DISC1: variants seen among roughly 807,000 people sequenced by gnomAD.
DISC1 encodes the protein DISC1 scaffold protein.
In DISC1, 57 loss-of-function variants were observed where a neutral mutation model predicts 84.5. That is an observed-to-expected ratio of 0.67 (90% CI 0.55 to 0.84). The LOEUF is 0.84. Ranked by LOEUF, DISC1 falls within the 40% of genes least tolerant of loss-of-function variation. The pLI, the probability that DISC1 is intolerant of heterozygous loss-of-function variation, is 0.00. For missense variants in DISC1, 1,000 were observed against 1,057.8 expected (o/e 0.95, Z 0.76); for synonymous variants, 411 against 415.2 (o/e 0.99, Z 0.12).
chr1:231,804,351 C>G (rs1030500830), intron 8 of DISC1, among the ~76,000 whole-genome samples: 1 of 152,054 alleles, frequency 6.6e-6, no homozygotes, highest in African/African-American at 2.4e-5. Context: ...AGGAAATGGC[C>G]TGTTCCATTT....
intron 3 of DISC1, chr1:231,724,012 C>A: frequency 2.0e-6 from 2 of 985,404 alleles, no homozygotes; most frequent in Non-Finnish European, 2.4e-6. Context: ...AAATGCAGCC[C>A]ACTCTGATAT....
intron 3 of DISC1, chr1:231,720,699 T>G (rs1306891469): frequency 3.8e-6 from 2 of 531,474 alleles, no homozygotes; most frequent in Non-Finnish European, 6.1e-6. Flanking sequence ...ACTTTTAGTT[T>G]TCTACCACTG....
At chr1:231,945,219 A>C (rs188678845) in intron 9 of DISC1, 1 of 152,218 alleles carries the variant, frequency 6.6e-6, no homozygotes, top group Non-Finnish European at 1.5e-5. Flanking sequence ...GAAGTTAAAC[A>C]CTCCTCAGCA....
At chr1:231,911,103 C>A (rs1270258766) in intron 9 of DISC1, among the ~76,000 whole-genome samples, 1 of 152,170 alleles carries the variant, frequency 6.6e-6, no homozygotes, top group Non-Finnish European at 1.5e-5. Context: ...GAATATAGCA[C>A]ACTGATGGGT....
At chr1:231,816,104 G>A (rs192895113) in intron 8 of DISC1, among the ~76,000 whole-genome samples, 1 of 152,334 alleles carries the variant, frequency 6.6e-6, no homozygotes, top group Admixed American at 6.5e-5. Context: ...CCATACCCTT[G>A]TGAATGTTGA....
chr1:231,799,269 C>T (rs2078998670), intron 7 of DISC1, among the ~76,000 whole-genome samples: 1 of 152,076 alleles, frequency 6.6e-6, no homozygotes, highest in Non-Finnish European at 1.5e-5. Flanking sequence ...TCTGACTTGC[C>T]AGCAAGTATC....
intron 9 of DISC1, among the ~76,000 whole-genome samples, chr1:231,879,072 G>A (rs1391076024): frequency 6.6e-6 from 1 of 151,892 alleles, no homozygotes; most frequent in African/African-American, 2.4e-5. Flanking sequence ...GAAATGCTTG[G>A]GATCAGGAGT....
At chr1:231,887,624 A>G (rs2086865612) in intron 9 of DISC1, among the ~76,000 whole-genome samples, 1 of 152,350 alleles carries the variant, frequency 6.6e-6, no homozygotes, top group Non-Finnish European at 1.5e-5. Context: ...CGACCTGGAC[A>G]TTAGTCCAGT....
At chr1:231,973,564 G>A (rs902154988) in intron 10 of DISC1, among the ~76,000 whole-genome samples, 11 of 152,148 alleles carry the variant, frequency 7.2e-5, no homozygotes, top group Non-Finnish European at 5.9e-5. Context: ...AAGCATCTTC[G>A]ACAATGCGGT....
At chr1:231,746,949 G>A (rs749848261) in intron 3 of DISC1, among the ~76,000 whole-genome samples, 38 of 151,984 alleles carry the variant, frequency 2.5e-4, no homozygotes, top group Admixed American at 7.9e-4. Context: ...ATTTTTTTGA[G>A]AAAGGGTCTC....
At position 231,697,752 on chromosome 1, in the gene DISC1, A is replaced by G. The variant is rs138305669; in HGVS notation, c.1047+2947A>G. 2.1e-4 allele frequency among the ~76,000 whole-genome samples: 32 copies of G among 151,886 alleles called. 1 individual carries two copies. In the East Asian group the frequency reaches 6.2e-3, roughly 29 times the overall value. On this transcript the variant is annotated intron_variant, in intron 2 of 12. Transcript: ENST00000439617. ...GCATGAGCCACCATGCCTGGTGGTA[A>G]TTTTGAACCTGCACAGAGTGGCAAA...
intron 1 of DISC1, among the ~76,000 whole-genome samples, chr1:231,633,884 CTTTT>C (rs547057206): frequency 7.4e-6 from 1 of 135,434 alleles, no homozygotes; most frequent in Admixed American, 7.7e-5. Flanking sequence ...TACCTGTCAT[CTTTT>C]TTTTTTTTTT....
At chr1:231,641,399 G>A (rs1272553935) in intron 1 of DISC1, among the ~76,000 whole-genome samples, 1 of 152,058 alleles carries the variant, frequency 6.6e-6, no homozygotes, top group African/African-American at 2.4e-5. Flanking sequence ...AAGGCGGCGC[G>A]TCTGGAGTCG....
intron 10 of DISC1, among the ~76,000 whole-genome samples, chr1:231,995,524 T>C (rs995448202): frequency 6.6e-5 from 10 of 152,026 alleles, no homozygotes; most frequent in Admixed American, 1.3e-4. Flanking sequence ...CAGAGTGTGA[T>C]GTTCCCCTTC....
chr1:231,675,330 C>G lies in DISC1; in HGVS notation c.68-18496C>G, dbSNP rs948207163. ...TGGGGTCTCTCTCCCTGCCTCTTCC[C>G]CAGCCCTACCCTATTGCACATTTTA... On this transcript the variant is annotated intron_variant, in intron 1 of 12. Transcript: ENST00000439617. The surrounding 1 kb of genome is among the most constrained non-coding windows in gnomAD (Gnocchi z 4.1). Among the ~76,000 whole-genome samples the G allele has an allele frequency of 3.3e-5, 5 of 152,016 alleles. No individual in the cohort carries two copies. The highest frequency in any genetic ancestry group is 1.2e-4 in the African/African-American group (5 of 41,380).
At chr1:231,937,315 G>A (rs971774110) in intron 9 of DISC1, among the ~76,000 whole-genome samples, 1 of 152,170 alleles carries the variant, frequency 6.6e-6, no homozygotes, top group African/African-American at 2.4e-5. Flanking sequence ...CCGGTGTCAA[G>A]CCTAATGCTT....
chr1:231,689,119 G>T (rs1416411909), intron 1 of DISC1, among the ~76,000 whole-genome samples: 1 of 152,012 alleles, frequency 6.6e-6, no homozygotes, highest in African/African-American at 2.4e-5. Context: ...ATGACAGATG[G>T]GATTAAAATT....
intron 9 of DISC1, among the ~76,000 whole-genome samples, chr1:231,831,856 G>T (rs571980278): frequency 7.2e-5 from 11 of 151,970 alleles, no homozygotes; most frequent in East Asian, 1.9e-4. Flanking sequence ...TAGTGGGGGG[G>T]GGTGGGCAGA....
rs1458490834 is a variant in DISC1, at chr1:232,040,365, C to A, written c.*3534C>A. On this transcript the variant is annotated 3_prime_UTR_variant, in exon 13 of 13. Coordinates refer to ENST00000439617, the MANE Select transcript of DISC1 (RefSeq NM_018662.3). Reference sequence around the variant, plus strand: ...ATATACTATTGGAAACTTGTCTTTCCCTGCAGTAAGGCTGGTTTCCCCACC... The same window carrying A: ...ATATACTATTGGAAACTTGTCTTTCACTGCAGTAAGGCTGGTTTCCCCACC... 6.6e-6 allele frequency: 1 copy of A among 152,154 alleles called. No homozygotes were observed. Among genetic ancestry groups the A allele is most frequent in the Non-Finnish European group, 1.5e-5 (1 of 68,054 alleles). The allele number at this position is 152,154 out of a possible 1,614,324, so 9.4% of individuals were successfully genotyped here.
Sources: allele counts gnomAD v4.1 joint callset (sites outside exome capture counted in the v4.1 genomes callset), GRCh38; gene constraint gnomAD v4.1.1; non-coding constraint Gnocchi (gnomAD v3.1); transcripts MANE v1.5; gene names NCBI Gene and HGNC (gene_info 2026-07-23, HGNC 2026-07-21).